Variants in SGCZ observed in about 807,000 individuals in gnomAD.
SGCZ encodes zeta-sarcoglycan.
SGCZ carries 40 observed loss-of-function variants against 41.3 expected under a neutral mutation model. That is an observed-to-expected ratio of 0.97 (90% CI 0.75 to 1.26). The LOEUF (loss-of-function observed/expected upper bound fraction) is 1.26, where lower values mean the gene tolerates loss of function less well. SGCZ is among the 50% of genes most tolerant of loss of function. The probability of loss-of-function intolerance (pLI) is 0.00; values close to 1 mark genes in which losing one functional copy is unlikely to be tolerated. For synonymous variants in SGCZ, 206 were observed against 137.5 expected (o/e 1.50, Z -3.49); for missense variants, 552 against 369.8 (o/e 1.49, Z -4.04).
intron 1 of SGCZ, among the ~76,000 whole-genome samples, chr8:15,031,676 C>G (rs1431035405): frequency 6.6e-6 from 1 of 152,122 alleles, no homozygotes; most frequent in Non-Finnish European, 1.5e-5. Flanking sequence ...ACAACAGAGC[C>G]TTGCTGTCAA....
intron 1 of SGCZ, among the ~76,000 whole-genome samples, chr8:14,611,091 G>C (rs1056146048): frequency 6.6e-6 from 1 of 152,168 alleles, no homozygotes; most frequent in African/African-American, 2.4e-5. Context: ...CAGCTGGATA[G>C]AGATTCATGA....
At chr8:15,011,634 T>G (rs189435487) in intron 1 of SGCZ, among the ~76,000 whole-genome samples, 1 of 152,178 alleles carries the variant, frequency 6.6e-6, no homozygotes, top group Non-Finnish European at 1.5e-5. Context: ...TTTGAATAAA[T>G]TCTTCCATCA....
At chr8:14,802,577 T>A (rs1261055726) in intron 1 of SGCZ, among the ~76,000 whole-genome samples, 2 of 152,146 alleles carry the variant, frequency 1.3e-5, no homozygotes, top group Non-Finnish European at 2.9e-5. Context: ...AATAAGATGG[T>A]CTGCATTTTA....
intron 1 of SGCZ, among the ~76,000 whole-genome samples, chr8:15,122,816 G>A (rs1325355667): frequency 1.3e-5 from 2 of 152,098 alleles, no homozygotes; most frequent in South Asian, 2.1e-4. Flanking sequence ...GACATATCAT[G>A]AGATTCAGGA....
chr8:15,126,901 G>C (rs1344350663), intron 1 of SGCZ, among the ~76,000 whole-genome samples: 1 of 152,180 alleles, frequency 6.6e-6, no homozygotes. Context: ...TGGAGACTGA[G>C]ACCAGGGGGA....
intron 1 of SGCZ, among the ~76,000 whole-genome samples, chr8:15,131,359 G>T (rs772491204): frequency 1.6e-4 from 25 of 152,216 alleles, no homozygotes; most frequent in Middle Eastern, 3.4e-3. Flanking sequence ...CTTGCCTGCC[G>T]CCATGTGAGA....
intron 3 of SGCZ, among the ~76,000 whole-genome samples, chr8:14,313,315 A>T (rs979548103): frequency 1.3e-5 from 2 of 152,076 alleles, no homozygotes; most frequent in East Asian, 1.9e-4. Flanking sequence ...GATTTTTTAA[A>T]TTAATTAATT....
chr8:14,888,378 T>A (rs1804889602), intron 1 of SGCZ, among the ~76,000 whole-genome samples: 1 of 152,164 alleles, frequency 6.6e-6, no homozygotes, highest in African/African-American at 2.4e-5. Flanking sequence ...TGAGAAGCTT[T>A]GCCATCTTTT....
chr8:15,075,070 A>G (rs1455729640), intron 1 of SGCZ, among the ~76,000 whole-genome samples: 2 of 152,196 alleles, frequency 1.3e-5, no homozygotes, highest in African/African-American at 4.8e-5. Context: ...ATAGTCAATC[A>G]CTTTATTCTT....
At chr8:14,399,450 GTCTTTC>G (rs1799010853) in intron 2 of SGCZ, among the ~76,000 whole-genome samples, 1 of 152,006 alleles carries the variant, frequency 6.6e-6, no homozygotes, top group Non-Finnish European at 1.5e-5. Flanking sequence ...TTTTTAAAAT[GTCTTTC>G]TCATGGTTTG....
rs1034270034 is a variant in SGCZ at position 14,602,279 on chromosome 8, C to T, written c.40-47353G>A. Reference sequence around the variant, plus strand: ...TTAACCAACATTTACCTCAAAACACCGTAGGAATTTGAGTTGTATTTATGA... The same window carrying T: ...TTAACCAACATTTACCTCAAAACACTGTAGGAATTTGAGTTGTATTTATGA... On this transcript the variant is annotated intron_variant, in intron 1 of 7. Coordinates refer to ENST00000382080, the MANE Select transcript of SGCZ (RefSeq NM_139167.4). Among the ~76,000 whole-genome samples the T allele has an allele frequency of 2.6e-5, 4 of 151,976 alleles. No homozygotes were observed. In the South Asian group the frequency reaches 8.3e-4, roughly 32 times the overall value.
chr8:14,906,308 T>C (rs540965322), intron 1 of SGCZ, among the ~76,000 whole-genome samples: 1 of 152,296 alleles, frequency 6.6e-6, no homozygotes, highest in Admixed American at 6.5e-5. Context: ...ATGAATATTT[T>C]AGAAATGTTA....
chr8:14,334,338 A>G (rs1182227971), intron 2 of SGCZ, among the ~76,000 whole-genome samples: 4 of 152,080 alleles, frequency 2.6e-5, no homozygotes, highest in Non-Finnish European at 5.9e-5. Context: ...ACACATCACA[A>G]CAATCCTGTA....
At chr8:15,015,560 A>T (rs904745248) in intron 1 of SGCZ, among the ~76,000 whole-genome samples, 2 of 151,278 alleles carry the variant, frequency 1.3e-5, no homozygotes, top group Non-Finnish European at 2.9e-5. Context: ...GATGGCAGGC[A>T]CCTGTAGTCC....
chr8:14,194,647 C>G (rs1338267503), intron 4 of SGCZ, among the ~76,000 whole-genome samples: 2 of 151,960 alleles, frequency 1.3e-5, no homozygotes, highest in Non-Finnish European at 2.9e-5. Context: ...ATCCAAGTTA[C>G]TTTCTCATCT....
chr8:15,012,606 A>AACATATAAATATATATTTATATAACAT (rs372754667), intron 1 of SGCZ, among the ~76,000 whole-genome samples: 2 of 109,570 alleles, frequency 1.8e-5, no homozygotes, highest in African/African-American at 4.9e-5. Context: ...ATATTTATAT[A>AACATATAAATATATATTTATATAACAT]ATACATATAT....
At chr8:15,066,022 C>A (rs1805126458) in intron 1 of SGCZ, among the ~76,000 whole-genome samples, 1 of 152,182 alleles carries the variant, frequency 6.6e-6, no homozygotes. Flanking sequence ...TAGAAGTCCA[C>A]CTTGGGCCGG....
At chr8:14,711,066 G>C (rs978867549) in intron 1 of SGCZ, among the ~76,000 whole-genome samples, 3 of 152,086 alleles carry the variant, frequency 2.0e-5, no homozygotes, top group Non-Finnish European at 4.4e-5. Context: ...AATTAATTAA[G>C]ATGGAAAAGC....
At chr8:15,217,343 G>A (rs2117175343) in intron 1 of SGCZ, among the ~76,000 whole-genome samples, 1 of 151,606 alleles carries the variant, frequency 6.6e-6, no homozygotes, top group Admixed American at 6.6e-5. Flanking sequence ...CGTGAACCCG[G>A]GAGGCGGAGC....
Sources: gnomAD v4.1 joint callset for allele counts (sites outside exome capture counted in the v4.1 genomes callset) on GRCh38, gnomAD v4.1.1 for gene constraint, MANE v1.5 for transcripts, NCBI Gene and HGNC (gene_info 2026-07-23, HGNC 2026-07-21) for gene names.